Variants in FGD6 observed in about 807,000 individuals in gnomAD.
FGD6 encodes FYVE, RhoGEF and PH domain containing 6.
In FGD6, 90 loss-of-function variants were observed where a neutral mutation model predicts 149.4. The ratio of observed to expected loss-of-function variants is 0.60; its 90% CI spans 0.51 to 0.72. The LOEUF (loss-of-function observed/expected upper bound fraction) is 0.72, where lower values mean the gene tolerates loss of function less well. FGD6 is among the 30% of genes least tolerant of loss of function. The pLI is 0.00. For synonymous variants in FGD6, 527 were observed against 584.0 expected (o/e 0.90, Z 1.41); for missense variants, 1,437 against 1,684.8 (o/e 0.85, Z 2.57).
chr12:95,124,583 A>T (rs573242003), intron 8 of FGD6, among the ~76,000 whole-genome samples: 1 of 152,306 alleles, frequency 6.6e-6, no homozygotes, highest in East Asian at 1.9e-4. Flanking sequence ...AAGTCCCAGC[A>T]ACAGAGGCAA....
chr12:95,206,199 T>C (rs1177529710), intron 2 of FGD6, among the ~76,000 whole-genome samples: 2 of 152,000 alleles, frequency 1.3e-5, no homozygotes, highest in Non-Finnish European at 2.9e-5. Context: ...AAGAAAAAAT[T>C]GTACTCATTC....
intron 2 of FGD6, among the ~76,000 whole-genome samples, chr12:95,176,217 C>T (rs983609048): frequency 5.3e-5 from 8 of 152,156 alleles, no homozygotes; most frequent in African/African-American, 1.9e-4. Flanking sequence ...GGATTACAGG[C>T]ATGAGCCACC....
intron 5 of FGD6, 45 bp from the exon 6 acceptor site, chr12:95,141,584 T>C: frequency 6.2e-7 from 1 of 1,605,738 alleles, no homozygotes; most frequent in Non-Finnish European, 8.5e-7. Flanking sequence ...CACATGTAAC[T>C]TGATAACAAG....
intron 3 of FGD6, among the ~76,000 whole-genome samples, chr12:95,160,564 T>C (rs888318030): frequency 6.6e-6 from 1 of 152,204 alleles, no homozygotes; most frequent in Non-Finnish European, 1.5e-5. Flanking sequence ...CCAACCCCCA[T>C]GCCCAGGTGC....
At chr12:95,084,132 C>T (rs1213647776) in intron 20 of FGD6, among the ~76,000 whole-genome samples, 1 of 152,182 alleles carries the variant, frequency 6.6e-6, no homozygotes, top group Non-Finnish European at 1.5e-5. Flanking sequence ...GCTGGATTGC[C>T]AAAGTCCTGG....
intron 5 of FGD6, among the ~76,000 whole-genome samples, chr12:95,143,260 T>C (rs1879905922): frequency 6.6e-6 from 1 of 150,376 alleles, no homozygotes; most frequent in African/African-American, 2.5e-5. Flanking sequence ...GCCCCTAACA[T>C]ACATATATTA....
intron 2 of FGD6, among the ~76,000 whole-genome samples, chr12:95,181,530 A>C (rs927867566): frequency 1.3e-5 from 2 of 152,254 alleles, no homozygotes; most frequent in Non-Finnish European, 2.9e-5. Context: ...TACATAAAAT[A>C]AATCTGCAAC....
chr12:95,078,290 C>T lies in FGD6; in HGVS notation c.*3230G>A, dbSNP rs1312069866. 1 of 152,184 alleles carries T rather than the reference C, an allele frequency of 6.6e-6. No homozygotes were observed. The highest frequency in any genetic ancestry group is 1.5e-5 in the Non-Finnish European group (1 of 68,048). The allele number at this position is 152,184 out of a possible 1,614,324, so 9.4% of individuals were successfully genotyped here. A position where few individuals can be genotyped will look rare whatever the true frequency, so the allele number is the denominator to read the frequency against. ...AAAAACAATATGTATCTCTGGAAAT[C>T]CCATTGACTACATTTGACTAAAGTG... On this transcript the variant is annotated 3_prime_UTR_variant, in exon 21 of 21. Transcript: ENST00000343958.
At chr12:95,117,741 C>T (rs1879062182) in intron 8 of FGD6, among the ~76,000 whole-genome samples, 1 of 151,820 alleles carries the variant, frequency 6.6e-6, no homozygotes, top group Non-Finnish European at 1.5e-5. Flanking sequence ...TAATTTTGTT[C>T]TCATATAAAA....
At chr12:95,206,406 C>T (rs929281569) in intron 2 of FGD6, among the ~76,000 whole-genome samples, 1 of 151,946 alleles carries the variant, frequency 6.6e-6, no homozygotes, top group Non-Finnish European at 1.5e-5. Flanking sequence ...TGCCAAGAAC[C>T]GGTAGTGGTG....
chr12:95,094,234 G>A (rs999337422), intron 15 of FGD6, among the ~76,000 whole-genome samples: 1 of 151,790 alleles, frequency 6.6e-6, no homozygotes, highest in African/African-American at 2.4e-5. Context: ...ACTAAGTTTA[G>A]CTACAATCTA....
intron 2 of FGD6, among the ~76,000 whole-genome samples, chr12:95,187,654 A>G (rs866819384): frequency 6.6e-6 from 1 of 150,700 alleles, no homozygotes; most frequent in Non-Finnish European, 1.5e-5. Context: ...TGCGTCCCCA[A>G]AAAAAAAACA....
intron 3 of FGD6, among the ~76,000 whole-genome samples, chr12:95,158,397 G>C (rs920174347): frequency 6.7e-6 from 1 of 150,306 alleles, no homozygotes; most frequent in Non-Finnish European, 1.5e-5. Context: ...GGATGGTCTC[G>C]ATCTCCTGGC....
chr12:95,087,770 A>C (rs930618043), intron 18 of FGD6, among the ~76,000 whole-genome samples: 4 of 152,180 alleles, frequency 2.6e-5, no homozygotes, highest in Non-Finnish European at 4.4e-5. Context: ...ATTTCTTATA[A>C]ATTTCATGAA....
chr12:95,092,460 T>C (rs780902719), intron 16 of FGD6, among the ~76,000 whole-genome samples: 21 of 152,186 alleles, frequency 1.4e-4, no homozygotes, highest in Non-Finnish European at 2.9e-4. Flanking sequence ...GAATCAGTTA[T>C]TACTGATGTT....
chr12:95,131,066 T>A (rs1037759661), intron 8 of FGD6, among the ~76,000 whole-genome samples: 5 of 151,856 alleles, frequency 3.3e-5, no homozygotes, highest in African/African-American at 7.2e-5. Flanking sequence ...ATAAATGTTG[T>A]CTCAATGTCA....
At chr12:95,193,535 T>TG (rs1357131405) in intron 2 of FGD6, among the ~76,000 whole-genome samples, 3 of 151,136 alleles carry the variant, frequency 2.0e-5, no homozygotes, top group African/African-American at 4.9e-5. Flanking sequence ...TTCTTGTTTT[T>TG]TTTTTTTTTT....
intron 2 of FGD6, among the ~76,000 whole-genome samples, chr12:95,196,011 T>A (rs1250029504): frequency 6.6e-6 from 1 of 152,000 alleles, no homozygotes; most frequent in Non-Finnish European, 1.5e-5. Flanking sequence ...AATCAGCTAC[T>A]TGGGAGGCTG....
At chr12:95,132,933 G>A (rs1183791334) in intron 8 of FGD6, among the ~76,000 whole-genome samples, 1 of 152,190 alleles carries the variant, frequency 6.6e-6, no homozygotes, top group Non-Finnish European at 1.5e-5. Flanking sequence ...TCAATAGCTG[G>A]TTTATGAGAA....
Sources: gnomAD v4.1 joint callset for allele counts (sites outside exome capture counted in the v4.1 genomes callset) on GRCh38, gnomAD v4.1.1 for gene constraint, MANE v1.5 for transcripts, NCBI Gene and HGNC (gene_info 2026-07-23, HGNC 2026-07-21) for gene names.